Variants in PCIF1 observed in about 807,000 individuals in gnomAD.
PCIF1 encodes the protein mRNA (2'-O-methyladenosine-N(6)-)-methyltransferase.
In PCIF1, 12 loss-of-function variants were observed where a neutral mutation model predicts 86.9. That is an observed-to-expected ratio of 0.14 (90% CI 0.09 to 0.22). The LOEUF (loss-of-function observed/expected upper bound fraction) is 0.22, where lower values mean the gene tolerates loss of function less well. PCIF1 is among the 10% of genes least tolerant of loss of function. The pLI, the probability that PCIF1 is intolerant of heterozygous loss-of-function variation, is 1.00. For synonymous variants in PCIF1, 397 were observed against 372.0 expected (o/e 1.07, Z -0.77); for missense variants, 701 against 951.1 (o/e 0.74, Z 3.46).
At position 45,943,303 on chromosome 20, in the gene PCIF1, A is replaced by G; in HGVS notation, c.822-37A>G. The G allele has an allele frequency of 2.5e-6, 4 of 1,613,940 alleles. No homozygotes were observed. The highest frequency in any genetic ancestry group is 1.7e-4 in the Middle Eastern group (1 of 6,060). Reference sequence around the variant, plus strand: ...ATTTGGTTTCTGTGCCCAGTCATGTATAGAAGGCCTCTAACTCTGCCCACT... The same window carrying G: ...ATTTGGTTTCTGTGCCCAGTCATGTGTAGAAGGCCTCTAACTCTGCCCACT... On this transcript the variant is annotated intron_variant, in intron 8 of 16. Transcript: ENST00000372409. This position sits in a 1 kb window ranked among gnomAD's most constrained non-coding sequence, Gnocchi z 5.5.
rs749014802 is a variant in PCIF1 at position 45,940,798 on chromosome 20, T to A, written c.388-11T>A. 3.1e-6 allele frequency: 5 copies of A among 1,612,204 alleles called. No individual in the cohort carries two copies. The South Asian group carries it at 4.4e-5, about 14-fold the overall frequency. On this transcript the variant is annotated splice_polypyrimidine_tract_variant and intron_variant, in intron 5 of 16. Coordinates refer to ENST00000372409, the MANE Select transcript of PCIF1 (RefSeq NM_022104.4). The stretch of plus-strand genomic sequence containing the variant: ...TCTCCTGACTTGACACCTTTGTGAC[T>A]TTCACTACAGATTGAAATCCCAGTG...
Position 45,943,100 on chromosome 20 carries a change from T to C in PCIF1, c.677T>C (p.Ile226Thr). The part of the protein sequence containing the change: ...YRELCQQREG[I>T]EPPRESFNRW... ...CAGCAGCTCTCCTGTCCTGCAGGCA[T>C]TGAGCCTCCACGGGAGTCTTTCAAC... Residue 226 changes from isoleucine (I) to threonine (T), a missense_variant, in exon 8 of 17, where the codon ATT becomes ACT. By Grantham distance (89) the Ile-to-Thr change is moderately conservative (BLOSUM62 -1). Coordinates refer to ENST00000372409, the MANE Select transcript of PCIF1 (RefSeq NM_022104.4). The surrounding 1 kb of genome is among the most constrained non-coding windows in gnomAD (Gnocchi z 5.5). 1 of 1,613,780 alleles carries C rather than the reference T, an allele frequency of 6.2e-7. No homozygotes were observed. Among genetic ancestry groups the C allele is most frequent in the Non-Finnish European group, 8.5e-7 (1 of 1,179,928 alleles).
chr20:45,945,642 C>T, intron 11 of PCIF1, 69 bp from the exon 12 acceptor site: 1 of 1,554,360 alleles, frequency 6.4e-7, no homozygotes, highest in South Asian at 1.2e-5. Context: ...CGGTACAAAG[C>T]ATGTGGCCCA....
chr20:45,936,116 AGT>A (rs2083423299), intron 1 of PCIF1, among the ~76,000 whole-genome samples: 1 of 152,180 alleles, frequency 6.6e-6, no homozygotes, highest in African/African-American at 2.4e-5. Context: ...CCCACAGATC[AGT>A]GATAGGTATG....
At chr20:45,935,231 T>C (rs763412477) in intron 1 of PCIF1, among the ~76,000 whole-genome samples, 1 of 151,548 alleles carries the variant, frequency 6.6e-6, no homozygotes, top group Non-Finnish European at 1.5e-5. Flanking sequence ...CCTCTCGCCT[T>C]CGTGCGCCGT....
At position 45,947,642 on chromosome 20, in the gene PCIF1, C is replaced by T. The variant is rs753543857; in HGVS notation, c.2002C>T (p.Arg668Trp). 7.6e-5 allele frequency: 123 copies of T among 1,612,484 alleles called. No individual in the cohort carries two copies. In the East Asian group the frequency reaches 1.3e-3, roughly 17 times the overall value. Residue 668 changes from arginine to tryptophan, a missense_variant, in exon 17 of 17, where the codon CGG (arginine) becomes TGG (tryptophan). Transcript: ENST00000372409. The surrounding 1 kb of genome is among the most constrained non-coding windows in gnomAD (Gnocchi z 5.4). ...GCTGCAGGAGCTGAGTGCTGCCTAC[C>T]GGCAGTCAGGCCGCAGCCACAGCTC... ...ERLQELSAAY[R>W]QSGRSHSSGS...
chr20:45,945,098 GT>G, intron 11 of PCIF1, 68 bp downstream of exon 11: 2 of 1,487,114 alleles, frequency 1.3e-6, no homozygotes, highest in Non-Finnish European at 1.8e-6. Context: ...GAAGGGACAA[GT>G]GAGACTGAGC....
intron 4 of PCIF1, 148 bp downstream of exon 4, chr20:45,939,487 C>T: frequency 2.6e-6 from 3 of 1,147,180 alleles, no homozygotes; most frequent in Non-Finnish European, 2.5e-6. Flanking sequence ...AGCCCCTGCC[C>T]TCATGGAACC....
intron 2 of PCIF1, 112 bp downstream of exon 2, chr20:45,937,697 TG>T: frequency 2.5e-6 from 1 of 397,960 alleles, no homozygotes; most frequent in Non-Finnish European, 4.4e-6. Flanking sequence ...TTTCGTACCT[TG>T]GTCAGTGGTT....
intron 2 of PCIF1, among the ~76,000 whole-genome samples, chr20:45,938,673 G>T (rs2145861940): frequency 6.6e-6 from 1 of 152,294 alleles, no homozygotes; most frequent in African/African-American, 2.4e-5. Flanking sequence ...CTGAGGAGGA[G>T]CTCTGACCAC....
chr20:45,941,591 C>T (rs1320216554), intron 7 of PCIF1, among the ~76,000 whole-genome samples: 6 of 152,050 alleles, frequency 3.9e-5, no homozygotes, highest in African/African-American at 1.5e-4. Flanking sequence ...TCCCGAGTAG[C>T]GGGATTACAG....
chr20:45,947,876 G>T lies in PCIF1; in HGVS notation c.*121G>T, dbSNP rs1165816910. The T allele has an allele frequency of 6.5e-6, 10 of 1,531,154 alleles. No homozygotes were observed. Among genetic ancestry groups the T allele is most frequent in the Non-Finnish European group, 8.7e-6 (10 of 1,146,560 alleles). The allele number at this position is 1,531,154 out of a possible 1,614,324, so 94.8% of individuals were successfully genotyped here. On this transcript the variant is annotated 3_prime_UTR_variant, in exon 17 of 17. Coordinates refer to ENST00000372409, the MANE Select transcript of PCIF1 (RefSeq NM_022104.4). This position sits in a 1 kb window ranked among gnomAD's most constrained non-coding sequence, Gnocchi z 5.4. ...ATATGAAGATTATGGTTCTGCCAGG[G>T]CTCCCCTCCCTGCCTGTCCCCAAGT...
At chr20:45,942,348 CTT>C (rs1262000199) in intron 7 of PCIF1, among the ~76,000 whole-genome samples, 4 of 44,522 alleles carry the variant, frequency 9.0e-5, no homozygotes, top group Admixed American at 3.0e-4. Context: ...GAGTTTTGTT[CTT>C]GTTGCCCTGG....
intron 1 of PCIF1, among the ~76,000 whole-genome samples, chr20:45,935,355 T>A (rs1333511047): frequency 6.6e-6 from 1 of 152,126 alleles, no homozygotes; most frequent in African/African-American, 2.4e-5. Context: ...GGACTCGGAC[T>A]CTGGCTTCTG....
chr20:45,946,998 G>T (rs1199876154), intron 14 of PCIF1, 75 bp from the exon 15 acceptor site: 1 of 1,296,644 alleles, frequency 7.7e-7, no homozygotes, highest in Non-Finnish European at 1.1e-6. Context: ...GCTGCCTAGG[G>T]TTGGGGGGTG....
intron 1 of PCIF1, among the ~76,000 whole-genome samples, chr20:45,936,802 G>T (rs937208024): frequency 6.6e-6 from 1 of 152,096 alleles, no homozygotes; most frequent in African/African-American, 2.4e-5. Context: ...TGTGACTCAT[G>T]CCTGTAATCC....
intron 7 of PCIF1, among the ~76,000 whole-genome samples, chr20:45,941,733 C>T (rs1158647791): frequency 2.0e-5 from 3 of 152,074 alleles, no homozygotes; most frequent in Non-Finnish European, 4.4e-5. Flanking sequence ...GCTGGGATTA[C>T]AGGCATGAGC....
Position 45,940,536 on chromosome 20 carries a change from C to T in PCIF1, c.311C>T (p.Pro104Leu), listed in dbSNP as rs1273801369. The change falls in exon 5 of 17, where the codon CCC (proline) becomes CTC (leucine). Residue 104 changes from proline (P) to leucine (L), a missense_variant. Physicochemically the swap from Pro to Leu is moderately conservative, Grantham distance 98 (BLOSUM62 -3). This residue lies in a region of PCIF1 where 125 missense variants were observed against 126.8 expected (regional missense o/e 0.99). Coordinates refer to ENST00000372409, the MANE Select transcript of PCIF1 (RefSeq NM_022104.4). ...CAAGACTCAAGCTTGGTGGAAACTC[C>T]CCCGGCTGAGAACAAGCCCAGAAAG... ...LPQDSSLVET[P>L]PAENKPRKRQ... 1 of 1,608,270 alleles carries T rather than the reference C, an allele frequency of 6.2e-7. No individual in the cohort carries two copies. The highest frequency in any genetic ancestry group is 8.5e-7 in the Non-Finnish European group (1 of 1,177,266).
intron 1 of PCIF1, among the ~76,000 whole-genome samples, chr20:45,935,911 A>G (rs377568119): frequency 4.6e-5 from 7 of 152,014 alleles, no homozygotes; most frequent in South Asian, 4.1e-4. Context: ...GCCTCACACT[A>G]AGCTGTGCCG....
Sources: gnomAD v4.1 joint callset for allele counts (sites outside exome capture counted in the v4.1 genomes callset) on GRCh38, gnomAD v4.1.1 for gene constraint, gnomAD v4.1.1 regional missense constraint, Gnocchi (gnomAD v3.1) non-coding constraint, MANE v1.5 for transcripts, NCBI Gene and HGNC (gene_info 2026-07-23, HGNC 2026-07-21) for gene names.